Variants in AP5Z1 observed in about 807,000 individuals in gnomAD.
The protein encoded by AP5Z1 is adaptor related protein complex 5 subunit zeta 1.
AP5Z1 carries 106 observed loss-of-function variants against 83.0 expected under a neutral mutation model. That is an observed-to-expected ratio of 1.28 (90% CI 1.09 to 1.50). The LOEUF is 1.50. Ranked by LOEUF, AP5Z1 falls within the 40% of genes most tolerant of loss-of-function variation. The pLI is 0.00. For synonymous variants in AP5Z1, 751 were observed against 514.1 expected, an observed-to-expected ratio of 1.46 and a Z score of -6.23; for missense variants, 1,565 against 1,094.2, an observed-to-expected ratio of 1.43 and a Z score of -6.07.
In AP5Z1 at chr7:4,790,324, C is replaced by T. The variant is rs749405; in HGVS notation, c.1806-135C>T. ...CAGTTTCTCTGAGGCTGGCAGTCTT[C>T]TGTGTTCCTCTATCGGAGGGTGCAG... On this transcript the variant is annotated intron_variant, in intron 14 of 16. Transcript: ENST00000649063. 0.053 allele frequency: 82,765 copies of T among 1,552,958 alleles called. 2,562 individuals carry two copies. Among genetic ancestry groups the T allele is most frequent in the African/African-American group, 0.11 (8,154 of 73,430 alleles).
intron 13 of AP5Z1, 147 bp from the exon 14 acceptor site, chr7:4,789,685 C>T (rs1403837110): frequency 3.4e-6 from 2 of 593,710 alleles, no homozygotes; most frequent in African/African-American, 1.9e-5. Flanking sequence ...CCAGCTGAGT[C>T]TCTGTGTCCC....
chr7:4,783,744 C>G lies in AP5Z1; in HGVS notation c.567C>G (p.Leu189=). ...RLVDWLRYAS[L]QQGLPHSGGF... ...TCGACTGGCTGCGCTACGCCAGCCT[C>G]CAGCAAGGGCTCCCACACTCCGGCG... Residue 189 remains leucine (L), a synonymous_variant, in exon 5 of 17, where the codon CTC becomes CTG. Coordinates refer to ENST00000649063, the MANE Select transcript of AP5Z1 (RefSeq NM_014855.3). 1.3e-6 allele frequency: 2 copies of G among 1,550,842 alleles called. No homozygotes were observed. Among genetic ancestry groups the G allele is most frequent in the Non-Finnish European group, 1.7e-6 (2 of 1,147,206 alleles).
intron 16 of AP5Z1, 41 bp from the exon 17 acceptor site, chr7:4,791,073 AG>A: frequency 1.3e-6 from 2 of 1,526,394 alleles, no homozygotes; most frequent in Non-Finnish European, 1.8e-6. Flanking sequence ...CTGTCCTGGG[AG>A]GGGAGCATCT....
At chr7:4,784,174 C>T in intron 5 of AP5Z1, 29 bp from the exon 6 acceptor site, 1 of 1,560,148 alleles carries the variant, frequency 6.4e-7, no homozygotes. Flanking sequence ...TCGGCCCCCT[C>T]CGCCCACTCC....
chr7:4,791,390 A>G lies in AP5Z1; in HGVS notation c.*5A>G. The G allele has an allele frequency of 2.5e-6, 4 of 1,601,304 alleles. No individual in the cohort carries two copies. Among genetic ancestry groups the G allele is most frequent in the Non-Finnish European group, 3.4e-6 (4 of 1,174,032 alleles). ...GCCGGCCTCATGCCAGGGTGAAGGGACAGTGGCCAGGGACTTCGGTGCAGA... is the reference window on the plus strand; with the variant it reads ...GCCGGCCTCATGCCAGGGTGAAGGGGCAGTGGCCAGGGACTTCGGTGCAGA... On this transcript the variant is annotated 3_prime_UTR_variant, in exon 17 of 17. Transcript: ENST00000649063.
rs1385494515 is a variant in AP5Z1 at position 4,785,593 on chromosome 7, C to T, written c.1041C>T (p.Leu347=). The T allele has an allele frequency of 1.2e-6, 2 of 1,601,852 alleles. No homozygotes were observed. The highest frequency in any genetic ancestry group is 1.7e-6 in the Non-Finnish European group (2 of 1,175,796). ...ACCCGTCCTTCCTGTACCGAAGTCT[C>T]TCCTGCCTGAAGGCCCTGCACGGGC... ...RQDPSFLYRS[L]SCLKALHGRV... Residue 347 remains leucine, a synonymous_variant, in exon 9 of 17, where the codon CTC becomes CTT. Coordinates refer to ENST00000649063, the MANE Select transcript of AP5Z1 (RefSeq NM_014855.3).
rs1781697300 is a variant in AP5Z1, at chr7:4,789,925, C to G, written c.1801C>G (p.His601Asp). 4.5e-6 allele frequency: 7 copies of G among 1,542,270 alleles called. No homozygotes were observed. In the East Asian group the frequency reaches 1.7e-4, roughly 38 times the overall value. The change falls in exon 14 of 17, where the codon CAC (histidine) becomes GAC (aspartate). Residue 601 changes from histidine (H) to aspartate (D), a missense_variant. Physicochemically the swap from His to Asp is moderately conservative, Grantham distance 81. Transcript: ENST00000649063. ...YPAPGYAAGVHSVLSSQFLAL... is the reference protein window; with the variant it reads ...YPAPGYAAGVDSVLSSQFLAL... ...GGCCCCAGGGTACGCTGCCGGTGTG[C>G]ACAGGTAGGTCCCTCCTGCGCTCCT...
Position 4,792,958 on chromosome 7 carries a change from T to C in AP5Z1, c.*1573T>C. The C allele has an allele frequency of 6.2e-6, 1 of 162,182 alleles. No homozygotes were observed. The highest frequency in any genetic ancestry group is 1.4e-5 in the Non-Finnish European group (1 of 74,036). 10.0% of individuals were successfully genotyped at this position (162,182 alleles called of 1,614,324 possible). ...TCTCCCACTGAGTCCGCAGCTCCCCTCCTGCCCTGGGGCGGGGCTTCCCTG... is the reference window on the plus strand; with the variant it reads ...TCTCCCACTGAGTCCGCAGCTCCCCCCCTGCCCTGGGGCGGGGCTTCCCTG... On this transcript the variant is annotated 3_prime_UTR_variant, in exon 17 of 17. Coordinates refer to ENST00000649063, the MANE Select transcript of AP5Z1 (RefSeq NM_014855.3).
At chr7:4,776,562 CAAAA>C (rs55916241) in intron 1 of AP5Z1, among the ~76,000 whole-genome samples, 20 of 82,404 alleles carry the variant, frequency 2.4e-4, no homozygotes, top group South Asian at 4.1e-4. Context: ...ACTGAAAATA[CAAAA>C]AAAAAAAAAA....
chr7:4,790,007 C>CCCCCCCT, intron 14 of AP5Z1, 78 bp downstream of exon 14: 1 of 1,142,444 alleles, frequency 8.8e-7, no homozygotes, highest in South Asian at 1.7e-5. Flanking sequence ...TCCCCCCTCC[C>CCCCCCCT]CTTCAGTGGC....
rs2115135169 is a variant in AP5Z1, at chr7:4,792,643, C to T, written c.*1258C>T. 6.6e-6 allele frequency: 1 copy of T among 152,332 alleles called. No individual in the cohort carries two copies. The highest frequency in any genetic ancestry group is 1.9e-4 in the East Asian group (1 of 5,158). The allele number at this position is 152,332 out of a possible 1,614,324, so 9.4% of individuals were successfully genotyped here. On this transcript the variant is annotated 3_prime_UTR_variant, in exon 17 of 17. Transcript: ENST00000649063. ...GGTCGCGTTCCGAGCTCCAGGACGG[C>T]TGGTGTCCCCCGCGGCCTGCGATGA...
chr7:4,779,307 C>T (rs540909645), intron 1 of AP5Z1, among the ~76,000 whole-genome samples: 17 of 140,626 alleles, frequency 1.2e-4, no homozygotes, highest in African/African-American at 3.1e-4. Flanking sequence ...ACATATATAA[C>T]GTATATAACA....
rs1781372000 is a variant in AP5Z1 at position 4,781,222 on chromosome 7, A to T, written c.89A>T (p.Lys30Ile). ...AAGAAGTTCTGTTCCCGGATCTGTA[A>T]ACTGCTGCAGGCGGAGGACTTGGGG... Reference protein sequence around the residue: ...ELKKFCSRICKLLQAEDLGPD... With the variant: ...ELKKFCSRICILLQAEDLGPD... Residue 30 changes from lysine to isoleucine, a missense_variant, in exon 2 of 17, where the codon AAA becomes ATA. By Grantham distance (102) the Lys-to-Ile change is moderately radical (BLOSUM62 -3). Coordinates refer to ENST00000649063, the MANE Select transcript of AP5Z1 (RefSeq NM_014855.3). 2 of 1,613,550 alleles carry T rather than the reference A, an allele frequency of 1.2e-6. No individual in the cohort carries two copies. The highest frequency in any genetic ancestry group is 2.2e-5 in the South Asian group (2 of 91,088).
At position 4,791,545 on chromosome 7, in the gene AP5Z1, C is replaced by G. The variant is rs1781775230; in HGVS notation, c.*160C>G. 9.6e-6 allele frequency: 10 copies of G among 1,046,442 alleles called. No individual in the cohort carries two copies. The highest frequency in any genetic ancestry group is 1.6e-5 in the African/African-American group (1 of 62,044). 64.8% of individuals were successfully genotyped at this position (1,046,442 alleles called of 1,614,324 possible). On this transcript the variant is annotated 3_prime_UTR_variant, in exon 17 of 17. Coordinates refer to ENST00000649063, the MANE Select transcript of AP5Z1 (RefSeq NM_014855.3). ...CCCTCACAGACACGCGGGGCTGGCCCCCCTGCTCACCCTCTGGGCTTTGTC... is the reference window on the plus strand; with the variant it reads ...CCCTCACAGACACGCGGGGCTGGCCGCCCTGCTCACCCTCTGGGCTTTGTC...
intron 14 of AP5Z1, 171 bp downstream of exon 14, chr7:4,790,100 T>A: frequency 3.1e-6 from 4 of 1,289,224 alleles, no homozygotes; most frequent in African/African-American, 1.6e-5. Flanking sequence ...CCCCAGGCAC[T>A]TCTCTCTGCT....
At chr7:4,790,382 T>G (rs1351057536) in intron 14 of AP5Z1, 77 bp from the exon 15 acceptor site, 1 of 1,605,448 alleles carries the variant, frequency 6.2e-7, no homozygotes, top group Admixed American at 1.7e-5. Flanking sequence ...TTCCCGGGTT[T>G]CTCCAGGCCC....
At chr7:4,790,126 C>T (rs999558990) in intron 14 of AP5Z1, 197 bp downstream of exon 14, 18 of 1,429,348 alleles carry the variant, frequency 1.3e-5, no homozygotes, top group Middle Eastern at 1.8e-4. Flanking sequence ...AGAACATTCC[C>T]GTCCTTCTTT....
At chr7:4,776,183 G>C (rs996360635) in intron 1 of AP5Z1, among the ~76,000 whole-genome samples, 2 of 151,484 alleles carry the variant, frequency 1.3e-5, no homozygotes, top group Non-Finnish European at 2.9e-5. Flanking sequence ...GGCCATCCGA[G>C]GGCTTTGCGG....
At position 4,775,649 on chromosome 7, in the gene AP5Z1, T is replaced by A. The variant is rs2115092829; in HGVS notation, c.-67T>A. 6.3e-7 allele frequency: 1 copy of A among 1,592,796 alleles called. No individual in the cohort carries two copies. The highest frequency in any genetic ancestry group is 2.3e-5 in the East Asian group (1 of 44,430). ...ACGCGGTCCCGGAAGTTGACCGGGG[T>A]GCGGAGCTCCTGGGCTGCAGCTCCT... On this transcript the variant is annotated 5_prime_UTR_variant, in exon 1 of 17. Coordinates refer to ENST00000649063, the MANE Select transcript of AP5Z1 (RefSeq NM_014855.3).
Sources: allele counts gnomAD v4.1 joint callset (sites outside exome capture counted in the v4.1 genomes callset), GRCh38; gene constraint gnomAD v4.1.1; transcripts MANE v1.5; gene names NCBI Gene and HGNC (gene_info 2026-07-23, HGNC 2026-07-21).